Variants in NPAS3 observed in about 807,000 individuals in gnomAD.
NPAS3 encodes the protein neuronal PAS domain protein 3.
A neutral mutation model predicts 73.1 loss-of-function variants in NPAS3; 14 were observed. The observed-to-expected ratio is 0.19, with a 90% CI of 0.13 to 0.30. The LOEUF is 0.30. Ranked by LOEUF, NPAS3 falls within the 10% of genes least tolerant of loss-of-function variation. The probability of loss-of-function intolerance (pLI) is 1.00; values close to 1 mark genes in which losing one functional copy is unlikely to be tolerated. For missense variants in NPAS3, 1,096 were observed against 1,250.0 expected (o/e 0.88, Z 1.86); for synonymous variants, 620 against 541.5 (o/e 1.14, Z -2.01).
At chr14:33,358,328 T>A (rs985306894) in intron 3 of NPAS3, among the ~76,000 whole-genome samples, 5 of 152,202 alleles carry the variant, frequency 3.3e-5, no homozygotes, top group Admixed American at 2.6e-4. Context: ...GTGACTGTTA[T>A]GCAGTATTGA....
At chr14:33,505,033 T>G (rs1395113123) in intron 4 of NPAS3, among the ~76,000 whole-genome samples, 2 of 152,146 alleles carry the variant, frequency 1.3e-5, no homozygotes, top group East Asian at 3.9e-4. Flanking sequence ...TAGACAAATA[T>G]TTGCTTCAGT....
At chr14:32,957,323 C>T (rs1424449097) in intron 1 of NPAS3, among the ~76,000 whole-genome samples, 12 of 150,608 alleles carry the variant, frequency 8.0e-5, no homozygotes, top group East Asian at 5.8e-4. Context: ...TAATTTGTAA[C>T]TTATCTTTGA....
At chr14:33,149,915 C>A (rs929082086) in intron 2 of NPAS3, among the ~76,000 whole-genome samples, 1 of 152,272 alleles carries the variant, frequency 6.6e-6, no homozygotes, top group Admixed American at 6.5e-5. Context: ...AGGTATTTCC[C>A]TAATGCTATC....
chr14:33,590,606 A>G lies in NPAS3; in HGVS notation c.558+30396A>G, dbSNP rs2057029593. ...AACCAGCTATTAATATTTTGCAGCA[A>G]TAATGAGCTTATTATAAGTTTATGT... On this transcript the variant is annotated intron_variant, in intron 5 of 11. Coordinates refer to ENST00000356141, the Ensembl canonical transcript of NPAS3. Among the ~76,000 whole-genome samples the G allele has an allele frequency of 2.6e-5, 4 of 152,354 alleles. No homozygotes were observed. In the South Asian group the frequency reaches 8.3e-4, roughly 32 times the overall value.
At chr14:33,755,155 C>T (rs527819234) in intron 7 of NPAS3, among the ~76,000 whole-genome samples, 3 of 152,174 alleles carry the variant, frequency 2.0e-5, no homozygotes, top group South Asian at 2.1e-4. Context: ...CCTGAAACAT[C>T]GTAGAGTTAT....
chr14:33,797,584 A>T lies in NPAS3; in HGVS notation c.1426+3A>T. The T allele has an allele frequency of 6.2e-7, 1 of 1,613,500 alleles. No homozygotes were observed. The highest frequency in any genetic ancestry group is 1.1e-5 in the South Asian group (1 of 91,062). The stretch of plus-strand genomic sequence containing the variant: ...TAAAGACACCTCAGGTATTACAGGT[A>T]TTATTCCTTCTTTTCCATGTTCTTC... On this transcript the variant is annotated splice_donor_region_variant and intron_variant, in intron 11 of 11. Transcript: ENST00000356141.
chr14:33,515,996 TC>T (rs2053277242), intron 4 of NPAS3, among the ~76,000 whole-genome samples: 1 of 152,102 alleles, frequency 6.6e-6, no homozygotes, highest in Non-Finnish European at 1.5e-5. Flanking sequence ...TTTAACACTT[TC>T]TATGAGGTAA....
intron 1 of NPAS3, among the ~76,000 whole-genome samples, chr14:32,952,465 C>A (rs2036521071): frequency 6.6e-6 from 1 of 151,912 alleles, no homozygotes; most frequent in South Asian, 2.1e-4. Flanking sequence ...AACATGTTTT[C>A]AATTAATAGA....
At chr14:33,482,053 GTT>G (rs35267663) in intron 4 of NPAS3, among the ~76,000 whole-genome samples, 16 of 137,564 alleles carry the variant, frequency 1.2e-4, no homozygotes, top group Admixed American at 2.2e-4. Flanking sequence ...TCAGAAGCAA[GTT>G]TTTTTTTTTT....
chr14:33,575,822 A>G (rs2056410618), intron 5 of NPAS3, among the ~76,000 whole-genome samples: 1 of 152,234 alleles, frequency 6.6e-6, no homozygotes, highest in Non-Finnish European at 1.5e-5. Flanking sequence ...CAAAGTAGAT[A>G]ATATAGAACA....
intron 5 of NPAS3, among the ~76,000 whole-genome samples, chr14:33,655,072 T>TA (rs1187120564): frequency 6.6e-6 from 1 of 152,210 alleles, no homozygotes; most frequent in Non-Finnish European, 1.5e-5. Flanking sequence ...ATGAGGAAGA[T>TA]AAAGTTCAAA....
chr14:33,092,720 G>A (rs1044376644), intron 2 of NPAS3, among the ~76,000 whole-genome samples: 5 of 152,174 alleles, frequency 3.3e-5, no homozygotes, highest in East Asian at 1.9e-4. Flanking sequence ...TTCAAACTAT[G>A]CTACAAGGCT....
intron 3 of NPAS3, among the ~76,000 whole-genome samples, chr14:33,331,346 A>AT (rs1373963068): frequency 1.3e-5 from 2 of 152,156 alleles, no homozygotes; most frequent in Admixed American, 6.5e-5. Flanking sequence ...TTTGGAAAGA[A>AT]TTTTTTGTGT....
intron 5 of NPAS3, among the ~76,000 whole-genome samples, chr14:33,673,388 T>A (rs1051466572): frequency 2.0e-5 from 3 of 152,194 alleles, no homozygotes; most frequent in Admixed American, 6.5e-5. Context: ...AGCACAAAAA[T>A]TAGTACTTTT....
intron 4 of NPAS3, among the ~76,000 whole-genome samples, chr14:33,482,233 T>C (rs2051365524): frequency 6.6e-6 from 1 of 152,186 alleles, no homozygotes; most frequent in Non-Finnish European, 1.5e-5. Context: ...TTTTATTCTT[T>C]TTTGAAAAAC....
intron 1 of NPAS3, among the ~76,000 whole-genome samples, chr14:32,993,415 C>CT (rs2038419780): frequency 6.6e-6 from 1 of 152,044 alleles, no homozygotes; most frequent in Non-Finnish European, 1.5e-5. Context: ...GTGAGACATT[C>CT]GAGAGGGAAA....
intron 5 of NPAS3, among the ~76,000 whole-genome samples, chr14:33,632,229 C>G (rs1426466674): frequency 1.3e-5 from 2 of 152,112 alleles, no homozygotes; most frequent in Non-Finnish European, 2.9e-5. Context: ...TTTAGCCATA[C>G]CTGAGTGGGT....
In NPAS3 at chr14:33,263,503, C is replaced by T. The variant is rs377550488; in HGVS notation, c.385+48077C>T. Among the ~76,000 whole-genome samples the T allele has an allele frequency of 5.9e-3, 897 of 152,206 alleles. 6 individuals carry two copies. The highest frequency in any genetic ancestry group is 0.02 in the African/African-American group (820 of 41,532). On this transcript the variant is annotated intron_variant, in intron 3 of 11. Transcript: ENST00000356141. ...TATCTCTGTTTTGGTACCAGTACCA[C>T]GCTGTTTTGGTTACTGTAGCCTTGT...
At chr14:33,539,382 G>GA (rs1462571512) in intron 4 of NPAS3, among the ~76,000 whole-genome samples, 5 of 152,070 alleles carry the variant, frequency 3.3e-5, no homozygotes, top group Admixed American at 3.3e-4. Context: ...AAGTAGACAA[G>GA]AAGTGTGGGA....
Sources: allele counts gnomAD v4.1 joint callset (sites outside exome capture counted in the v4.1 genomes callset), GRCh38; gene constraint gnomAD v4.1.1; transcripts MANE v1.5; gene names NCBI Gene and HGNC (gene_info 2026-07-23, HGNC 2026-07-21).